TRIM2: variants seen among roughly 807,000 people sequenced by gnomAD.
TRIM2 encodes tripartite motif containing 2.
A neutral mutation model predicts 75.2 loss-of-function variants in TRIM2; 20 were observed. The observed-to-expected ratio is 0.27, with a 90% CI of 0.19 to 0.39. The LOEUF is 0.39. Among genes scored for constraint, TRIM2 ranks in the 10% least tolerant of loss-of-function variants. The pLI, the probability that TRIM2 is intolerant of heterozygous loss-of-function variation, is 1.00. For missense variants in TRIM2, 660 were observed against 990.8 expected (o/e 0.67, Z 4.48); for synonymous variants, 373 against 388.3 (o/e 0.96, Z 0.46).
upstream of TRIM2, among the ~76,000 whole-genome samples, chr4:153,203,832 C>A (rs568982140): frequency 6.6e-6 from 1 of 152,214 alleles, no homozygotes; most frequent in South Asian, 2.1e-4. Context: ...GCTACGGTTG[C>A]AGTGAGCCAA....
chr4:153,282,296 C>CAAA (rs1759528059), intron 3 of TRIM2, among the ~76,000 whole-genome samples: 1 of 152,220 alleles, frequency 6.6e-6, no homozygotes, highest in Non-Finnish European at 1.5e-5. Context: ...ATTGATAATT[C>CAAA]AAAATCATTT....
chr4:153,244,373 T>TTCC (rs1748178795), intron 1 of TRIM2, among the ~76,000 whole-genome samples: 1 of 55,074 alleles, frequency 1.8e-5, no homozygotes, highest in African/African-American at 1.5e-4. Flanking sequence ...CTTCTTCTTC[T>TTCC]TCTTCTTCTT....
chr4:153,160,654 A>T (rs1431989207), intron 1 of TRIM2, among the ~76,000 whole-genome samples: 1 of 152,124 alleles, frequency 6.6e-6, no homozygotes, highest in Non-Finnish European at 1.5e-5. Context: ...GAGTACAGTA[A>T]TGTGATCATG....
intron 1 of TRIM2, among the ~76,000 whole-genome samples, chr4:153,194,698 C>T (rs903888628): frequency 1.3e-5 from 2 of 152,098 alleles, no homozygotes; most frequent in African/African-American, 4.8e-5. Flanking sequence ...TCACTAGTGT[C>T]AAAATGCATC....
At chr4:153,319,450 C>T (rs1233165806) in intron 8 of TRIM2, among the ~76,000 whole-genome samples, 1 of 152,076 alleles carries the variant, frequency 6.6e-6, no homozygotes, top group Non-Finnish European at 1.5e-5. Flanking sequence ...TTTGCTGGGC[C>T]GGGCACAGTG....
chr4:153,220,175 C>CT (rs1739563900), intron 1 of TRIM2, among the ~76,000 whole-genome samples: 1 of 152,064 alleles, frequency 6.6e-6, no homozygotes, highest in African/African-American at 2.4e-5. Flanking sequence ...AGGAAGGCCA[C>CT]TGGTAACTGC....
In TRIM2 at chr4:153,315,987, T is replaced by C; in HGVS notation, c.1770T>C (p.Asp590=). Residue 590 remains aspartate (D), a synonymous_variant, in exon 8 of 12, where the codon GAT becomes GAC. Transcript: ENST00000338700. ...DNKWVSIFSS[D]GKFKTKIGSG... Reference sequence around the variant, plus strand: ...AATGGGTCAGCATTTTCTCCTCCGATGGGAAATTTAAGGTAAGATTAACTA... The same window carrying C: ...AATGGGTCAGCATTTTCTCCTCCGACGGGAAATTTAAGGTAAGATTAACTA... 6.4e-6 allele frequency: 10 copies of C among 1,569,656 alleles called. No individual in the cohort carries two copies. Among genetic ancestry groups the C allele is most frequent in the Non-Finnish European group, 6.9e-6 (8 of 1,159,474 alleles).
chr4:153,163,515 T>C (rs1353026473), intron 1 of TRIM2, among the ~76,000 whole-genome samples: 2 of 148,586 alleles, frequency 1.3e-5, no homozygotes, highest in African/African-American at 2.5e-5. Context: ...TTTTTTTTTT[T>C]TTTTGAGGCA....
chr4:153,199,630 T>C (rs1734118050), upstream of TRIM2, among the ~76,000 whole-genome samples: 1 of 152,162 alleles, frequency 6.6e-6, no homozygotes. Flanking sequence ...GCATTCTTCC[T>C]TACCTTCCAT....
intron 1 of TRIM2, among the ~76,000 whole-genome samples, chr4:153,242,841 C>A (rs1747002132): frequency 6.6e-6 from 1 of 152,172 alleles, no homozygotes; most frequent in Admixed American, 6.5e-5. Context: ...ATGGTGGGGG[C>A]TGGGATCAAA....
At chr4:153,155,676 G>T (rs1579206147) in intron 1 of TRIM2, among the ~76,000 whole-genome samples, 1 of 151,936 alleles carries the variant, frequency 6.6e-6, no homozygotes, top group Admixed American at 6.6e-5. Context: ...GCCGTTCATG[G>T]CCCCAGCCCA....
chr4:153,222,856 G>C (rs373553682), intron 1 of TRIM2: 1 of 153,034 alleles, frequency 6.5e-6, no homozygotes, highest in African/African-American at 2.4e-5. Flanking sequence ...GGCGGCTGCG[G>C]GGGAGGAAGG....
intron 1 of TRIM2, among the ~76,000 whole-genome samples, chr4:153,244,517 T>C (rs1189762428): frequency 6.8e-6 from 1 of 146,322 alleles, no homozygotes. Context: ...TGCCTCAGTC[T>C]CCAAAGTAGC....
intron 1 of TRIM2, among the ~76,000 whole-genome samples, chr4:153,199,396 G>C (rs1348623436): frequency 6.6e-6 from 1 of 152,142 alleles, no homozygotes; most frequent in Non-Finnish European, 1.5e-5. Context: ...GAAACTCACT[G>C]AGAATGTCAA....
chr4:153,174,981 T>TTTG (rs946997243), intron 1 of TRIM2, among the ~76,000 whole-genome samples: 5 of 145,768 alleles, frequency 3.4e-5, no homozygotes, highest in Admixed American at 1.4e-4. Flanking sequence ...TGGTGCAGTT[T>TTTG]TTGTTGTTGT....
intron 1 of TRIM2, among the ~76,000 whole-genome samples, chr4:153,182,603 T>C (rs1468049952): frequency 1.3e-5 from 2 of 152,194 alleles, no homozygotes; most frequent in Non-Finnish European, 2.9e-5. Flanking sequence ...AACCACTCAG[T>C]ATTCAAACCA....
At chr4:153,229,774 T>C (rs1743121470) in intron 1 of TRIM2, among the ~76,000 whole-genome samples, 1 of 152,200 alleles carries the variant, frequency 6.6e-6, no homozygotes, top group African/African-American at 2.4e-5. Flanking sequence ...GTACAAAATA[T>C]TCTTGGCATC....
intron 1 of TRIM2, among the ~76,000 whole-genome samples, chr4:153,244,355 C>CTTCTTCTTCTTCTCCTTCTTCT (rs1748079616): frequency 7.9e-5 from 1 of 12,714 alleles, no homozygotes; most frequent in Non-Finnish European, 1.3e-4. Flanking sequence ...CTTCTTCTTC[C>CTTCTTCTTCTTCTCCTTCTTCT]TCTTCTTCTT....
rs1009320127 is a variant in TRIM2 at position 153,248,336 on chromosome 4, TCTC to T, written c.31-21996_31-21994del. On this transcript the variant is annotated intron_variant, in intron 1 of 11. Transcript: ENST00000338700. This position sits in a 1 kb window ranked among gnomAD's most constrained non-coding sequence, Gnocchi z 4.0. ...ACATAGACTAAACAAACCATTTCCTTCTCCTAACAACGCTATGTAGTCAGTACC... is the reference window on the plus strand; with the variant it reads ...ACATAGACTAAACAAACCATTTCCTTCTAACAACGCTATGTAGTCAGTACC... Among the ~76,000 whole-genome samples, 1 of 152,126 alleles carries T rather than the reference TCTC, an allele frequency of 6.6e-6. No individual in the cohort carries two copies. The highest frequency in any genetic ancestry group is 2.4e-5 in the African/African-American group (1 of 41,412).
Sources: gnomAD v4.1 joint callset for allele counts (sites outside exome capture counted in the v4.1 genomes callset) on GRCh38, gnomAD v4.1.1 for gene constraint, Gnocchi (gnomAD v3.1) non-coding constraint, MANE v1.5 for transcripts, NCBI Gene and HGNC (gene_info 2026-07-23, HGNC 2026-07-21) for gene names.